EDA: variants seen among roughly 807,000 people sequenced by gnomAD.
EDA encodes ectodysplasin A, also known as ectodysplasin-A.
A neutral mutation model predicts 23.6 loss-of-function variants in EDA; 2 were observed. The ratio of observed to expected loss-of-function variants is 0.08; its 90% CI spans 0.03 to 0.27. EDA has a LOEUF of 0.27. Ranked by LOEUF, EDA falls within the 10% of genes least tolerant of loss-of-function variation. EDA has a pLI of 1.00. For missense variants in EDA, 229 were observed against 324.2 expected, an observed-to-expected ratio of 0.71 and a Z score of 2.26; for synonymous variants, 131 against 132.0, an observed-to-expected ratio of 0.99 and a Z score of 0.05.
chrX:69,945,849 A>G (rs897511932), intron 1 of EDA, among the ~76,000 whole-genome samples: 3 of 111,932 alleles, frequency 2.7e-5, no homozygotes, highest in Non-Finnish European at 5.6e-5. Context: ...AGCCATATTG[A>G]AAAAAATTGT....
chrX:69,894,206 G>C (rs972077795), intron 1 of EDA, among the ~76,000 whole-genome samples: 3 of 111,397 alleles, frequency 2.7e-5, no homozygotes, highest in African/African-American at 9.8e-5. Flanking sequence ...TTGAAGATCA[G>C]ATGGTTGTAG....
Position 69,645,602 on chromosome X carries a change from G to A in EDA, c.396+28898G>A, listed in dbSNP as rs867771198. 6.2e-3 allele frequency among the ~76,000 whole-genome samples: 223 copies of A among 35,893 alleles called. 8 individuals are homozygous for A. The East Asian group carries it at 0.091, about 15-fold the overall frequency. The allele number at this position is 35,893 out of a possible 115,157, so 31.2% of individuals were successfully genotyped here. ...AGTTCTTTTATATATATGTGTGTGT[G>A]TATATATATATATGTGTGTGTATAT... On this transcript the variant is annotated intron_variant, in intron 1 of 7. Transcript: ENST00000374552.
chrX:69,726,267 A>G (rs1171881978), intron 1 of EDA, among the ~76,000 whole-genome samples: 1 of 112,356 alleles, frequency 8.9e-6, no homozygotes, highest in East Asian at 2.8e-4. Flanking sequence ...CATCAATTTC[A>G]CAATGCTGAA....
intron 1 of EDA, among the ~76,000 whole-genome samples, chrX:69,659,282 G>A (rs907299833): frequency 1.8e-5 from 2 of 112,213 alleles, no homozygotes; most frequent in African/African-American, 6.5e-5. Context: ...TACAAATTCA[G>A]TTTATACTAC....
At chrX:69,637,940 G>A (rs1051836691) in intron 1 of EDA, among the ~76,000 whole-genome samples, 53 of 110,720 alleles carry the variant, frequency 4.8e-4, no homozygotes, top group African/African-American at 1.7e-3. Flanking sequence ...GGTGGTGGAG[G>A]CAATGAAAAA....
At chrX:69,929,590 T>G (rs751465626) in intron 1 of EDA, among the ~76,000 whole-genome samples, 1 of 110,315 alleles carries the variant, frequency 9.1e-6, no homozygotes, top group Non-Finnish European at 1.9e-5. Flanking sequence ...CTTCCACTCC[T>G]ACACATAGAA....
At chrX:69,719,713 TATACACACACAC>T (rs1178368439) in intron 1 of EDA, among the ~76,000 whole-genome samples, 1 of 87,249 alleles carries the variant, frequency 1.1e-5, no homozygotes, top group Non-Finnish European at 2.6e-5. Flanking sequence ...AGTATTCCGT[TATACACACACAC>T]ACACACACAC....
At chrX:69,826,239 A>T (rs1164499184) in intron 1 of EDA, among the ~76,000 whole-genome samples, 1 of 111,020 alleles carries the variant, frequency 9.0e-6, no homozygotes, top group African/African-American at 3.3e-5. Flanking sequence ...GCTGAGTTCA[A>T]GTCCTGGATA....
intron 1 of EDA, among the ~76,000 whole-genome samples, chrX:69,757,923 T>C (rs751877728): frequency 8.9e-6 from 1 of 112,349 alleles, no homozygotes; most frequent in Non-Finnish European, 1.9e-5. Context: ...GCTCCCCACA[T>C]GGGCTCAGTC....
At chrX:69,941,948 C>A (rs1396297261) in intron 1 of EDA, among the ~76,000 whole-genome samples, 1 of 110,439 alleles carries the variant, frequency 9.1e-6, no homozygotes, top group African/African-American at 3.3e-5. Flanking sequence ...ATCTGTTGTA[C>A]TTTTTTATTT....
At chrX:70,010,150 G>C (rs1231484144) in intron 2 of EDA, among the ~76,000 whole-genome samples, 1 of 111,601 alleles carries the variant, frequency 9.0e-6, no homozygotes, top group African/African-American at 3.3e-5. Flanking sequence ...GTACTATTCA[G>C]CTCAACTATA....
At chrX:69,815,418 C>T (rs1286242448) in intron 1 of EDA, among the ~76,000 whole-genome samples, 1 of 97,386 alleles carries the variant, frequency 1.0e-5, no homozygotes, top group Non-Finnish European at 2.0e-5. Context: ...CTCCCTGGGA[C>T]AGCTTCTGGA....
intron 1 of EDA, among the ~76,000 whole-genome samples, chrX:69,842,745 C>G (rs1394693577): frequency 8.9e-6 from 1 of 111,753 alleles, no homozygotes; most frequent in East Asian, 2.8e-4. Context: ...ATGAATGGTT[C>G]AGCAGCATCC....
chrX:69,723,608 A>G (rs1011226912), intron 1 of EDA, among the ~76,000 whole-genome samples: 1 of 111,856 alleles, frequency 8.9e-6, no homozygotes, highest in African/African-American at 3.3e-5. Context: ...ATTCTAACTA[A>G]CCTAATTCTT....
At chrX:69,653,028 C>G (rs1165968316) in intron 1 of EDA, among the ~76,000 whole-genome samples, 2 of 111,787 alleles carry the variant, frequency 1.8e-5, no homozygotes, top group African/African-American at 6.5e-5. Context: ...TCATTGGTAA[C>G]TTGATGGGGA....
chrX:69,784,810 T>G (rs1401035398), intron 1 of EDA, among the ~76,000 whole-genome samples: 1 of 108,494 alleles, frequency 9.2e-6, no homozygotes, highest in Non-Finnish European at 1.9e-5. Context: ...TTAAAGTAGT[T>G]TTTTCCAGTT....
intron 1 of EDA, among the ~76,000 whole-genome samples, chrX:69,672,203 G>T (rs994995919): frequency 1.8e-5 from 2 of 111,250 alleles, no homozygotes; most frequent in Non-Finnish European, 3.8e-5. Flanking sequence ...TTAGAGTTGT[G>T]GGGGGGACTT....
intron 1 of EDA, among the ~76,000 whole-genome samples, chrX:69,785,502 AG>A (rs1410475082): frequency 7.4e-5 from 8 of 108,433 alleles, no homozygotes; most frequent in African/African-American, 9.9e-5. Flanking sequence ...TTTAGCATGA[AG>A]GGTTGTTGAA....
intron 2 of EDA, among the ~76,000 whole-genome samples, chrX:70,021,345 G>A (rs183555789): frequency 3.0e-4 from 34 of 111,731 alleles, no homozygotes; most frequent in Admixed American, 1.9e-4. Flanking sequence ...CAAAAACTTG[G>A]TCCGGGCCAG....
Sources: allele counts gnomAD v4.1 joint callset (sites outside exome capture counted in the v4.1 genomes callset), GRCh38; gene constraint gnomAD v4.1.1; transcripts MANE v1.5; gene names NCBI Gene and HGNC (gene_info 2026-07-23, HGNC 2026-07-21).